Variants in BCL11A observed in about 807,000 individuals in gnomAD.
The protein encoded by BCL11A is BCL11 transcription factor A, also known as B cell CLL/lymphoma 11A.
In BCL11A, 2 loss-of-function variants were observed where a neutral mutation model predicts 55.9. That is an observed-to-expected ratio of 0.04 (90% confidence interval 0.01 to 0.11). The LOEUF (loss-of-function observed/expected upper bound fraction) is 0.11, where lower values mean the gene tolerates loss of function less well. BCL11A is among the 10% of genes least tolerant of loss of function. BCL11A has a pLI of 1.00. For missense variants in BCL11A, 817 were observed against 1,137.1 expected, an observed-to-expected ratio of 0.72 and a Z score of 4.05; for synonymous variants, 465 against 473.4, an observed-to-expected ratio of 0.98 and a Z score of 0.23.
At chr2:60,517,398 A>G (rs1273517063) in intron 2 of BCL11A, among the ~76,000 whole-genome samples, 1 of 152,250 alleles carries the variant, frequency 6.6e-6, no homozygotes, top group Non-Finnish European at 1.5e-5. Context: ...CAGAGAAAAC[A>G]GGGAAAGGAA....
intron 2 of BCL11A, among the ~76,000 whole-genome samples, chr2:60,478,551 C>T (rs541458271): frequency 2.0e-5 from 3 of 152,352 alleles, no homozygotes; most frequent in South Asian, 2.1e-4. Context: ...CCAAGAGATT[C>T]TGAGAACCAG....
downstream of BCL11A, among the ~76,000 whole-genome samples, chr2:60,454,278 G>A (rs1217209425): frequency 2.0e-5 from 3 of 152,214 alleles, no homozygotes; most frequent in South Asian, 2.1e-4. Flanking sequence ...CAATGGGTTC[G>A]TTTATTTTCT....
rs189697617 is a variant in BCL11A, at chr2:60,532,565, G to A, written c.385+13406C>T. ...TACAGAACCTTGGTATGTGAATGGC[G>A]AAAAAGAAAAAAAAGGAAAGAAAAA... On this transcript the variant is annotated intron_variant, in intron 2 of 3. Coordinates refer to ENST00000642384, the MANE Select transcript of BCL11A (RefSeq NM_022893.4). Among the ~76,000 whole-genome samples, 73 of 150,844 alleles carry A rather than the reference G, an allele frequency of 4.8e-4. No individual in the cohort carries two copies. The Middle Eastern group carries it at 0.031, about 63-fold the overall frequency.
chr2:60,495,036 T>C (rs1186562200), intron 2 of BCL11A, among the ~76,000 whole-genome samples: 1 of 149,972 alleles, frequency 6.7e-6, no homozygotes, highest in Non-Finnish European at 1.5e-5. Context: ...GAGGGGAGAG[T>C]GCAGACAGGG....
At position 60,553,473 on chromosome 2, in the gene BCL11A, T is replaced by A. The variant is rs1356422401; in HGVS notation, c.-203A>T. On this transcript the variant is annotated 5_prime_UTR_variant, in exon 1 of 4. Coordinates refer to ENST00000642384, the MANE Select transcript of BCL11A (RefSeq NM_022893.4). ...AATTGTGGGAGAGCCGTCATGGCTTTTTTTTAAGCAAAAAAAAAAAAAAAA... is the reference window on the plus strand; with the variant it reads ...AATTGTGGGAGAGCCGTCATGGCTTATTTTTAAGCAAAAAAAAAAAAAAAA... 2 of 293,620 alleles carry A rather than the reference T, an allele frequency of 6.8e-6. No homozygotes were observed. Among genetic ancestry groups the A allele is most frequent in the African/African-American group, 5.9e-5 (2 of 33,652 alleles). The allele number at this position is 293,620 out of a possible 1,614,324, so 18.2% of individuals were successfully genotyped here.
At chr2:60,539,469 A>G (rs929449375) in intron 2 of BCL11A, among the ~76,000 whole-genome samples, 1 of 152,234 alleles carries the variant, frequency 6.6e-6, no homozygotes, top group Non-Finnish European at 1.5e-5. Flanking sequence ...TAAGAACAGC[A>G]AAAGCCTTTG....
At chr2:60,469,330 T>C (rs1262756806) in intron 2 of BCL11A, among the ~76,000 whole-genome samples, 2 of 152,210 alleles carry the variant, frequency 1.3e-5, no homozygotes, top group Non-Finnish European at 2.9e-5. Context: ...GAGTCCCACT[T>C]TGCTTTCTCT....
chr2:60,538,735 C>CTG (rs756885542), intron 2 of BCL11A, among the ~76,000 whole-genome samples: 129 of 69,352 alleles, frequency 1.9e-3, no homozygotes, highest in African/African-American at 5.1e-3. Context: ...CTCTCTCTCT[C>CTG]TCTCTGTGTG....
At chr2:60,521,123 ACT>A (rs2104558739) in intron 2 of BCL11A, among the ~76,000 whole-genome samples, 2 of 151,528 alleles carry the variant, frequency 1.3e-5, no homozygotes, top group South Asian at 2.1e-4. Context: ...ACACACACAC[ACT>A]CACACAAATC....
At chr2:60,518,344 A>ATAC (rs1448678923) in intron 2 of BCL11A, among the ~76,000 whole-genome samples, 122 of 152,350 alleles carry the variant, frequency 8.0e-4, no homozygotes, top group African/African-American at 2.3e-3. Flanking sequence ...CCAGTGTGTT[A>ATAC]CAGCCTGTCA....
At position 60,553,339 on chromosome 2, in the gene BCL11A, C is replaced by T. The variant is rs771541397; in HGVS notation, c.-69G>A. 8.2e-6 allele frequency: 12 copies of T among 1,469,400 alleles called. No individual in the cohort carries two copies. In the Admixed American group the frequency reaches 2.0e-4, roughly 24 times the overall value. 91.0% of individuals were successfully genotyped at this position (1,469,400 alleles called of 1,614,324 possible). On this transcript the variant is annotated 5_prime_UTR_variant, in exon 1 of 4. Coordinates refer to ENST00000642384, the MANE Select transcript of BCL11A (RefSeq NM_022893.4). ...GGGCGGACGACGGCTCGGTTCACAT[C>T]GGGAGAGCCGGGTTAGAAAGAAGGA...
intron 2 of BCL11A, among the ~76,000 whole-genome samples, chr2:60,476,383 C>T (rs893603250): frequency 6.6e-6 from 1 of 152,226 alleles, no homozygotes; most frequent in Non-Finnish European, 1.5e-5. Context: ...GAAAAGGTCT[C>T]AGTGGCTCAT....
At chr2:60,479,725 T>A (rs996869516) in intron 2 of BCL11A, among the ~76,000 whole-genome samples, 8 of 152,328 alleles carry the variant, frequency 5.3e-5, no homozygotes, top group Non-Finnish European at 1.0e-4. Context: ...ATCAATGTAA[T>A]TCAAGGCAAA....
Position 60,458,028 on chromosome 2 carries a change from CCTGT to C in BCL11A, c.*2372_*2375del. ...AAATTAAAAAAATATACTGTGGCAG[CCTGT>C]CTTTTTTTTTTCCACTACCAAAAAA... On this transcript the variant is annotated 3_prime_UTR_variant, in exon 4 of 4. Transcript: ENST00000642384. 1 of 1,033,374 alleles carries C rather than the reference CCTGT, an allele frequency of 9.7e-7. No homozygotes were observed. Among genetic ancestry groups the C allele is most frequent in the Non-Finnish European group, 1.2e-6 (1 of 859,224 alleles). The allele number at this position is 1,033,374 out of a possible 1,614,324, so 64.0% of individuals were successfully genotyped here. A position where few individuals can be genotyped will look rare whatever the true frequency, so the allele number is the denominator to read the frequency against.
At chr2:60,549,789 G>GT (rs1210389319) in intron 1 of BCL11A, 2 of 152,286 alleles carry the variant, frequency 1.3e-5, no homozygotes, top group Non-Finnish European at 2.9e-5. Context: ...TGCAGTCTCA[G>GT]TATCTCCGCA....
intron 2 of BCL11A, chr2:60,542,423 A>G (rs975159531): frequency 6.6e-6 from 1 of 152,278 alleles, no homozygotes; most frequent in Non-Finnish European, 1.5e-5. Context: ...ACTAAAAAAA[A>G]AGAAAACAAA....
intron 2 of BCL11A, among the ~76,000 whole-genome samples, chr2:60,530,501 C>T (rs1259438883): frequency 6.6e-6 from 1 of 151,920 alleles, no homozygotes; most frequent in African/African-American, 2.4e-5. Flanking sequence ...ACTTTTTTTC[C>T]CAACGGCAAG....
intron 2 of BCL11A, chr2:60,538,361 A>G (rs1261281288): frequency 6.6e-6 from 1 of 152,248 alleles, no homozygotes; most frequent in Non-Finnish European, 1.5e-5. Context: ...TTCCAGCAGC[A>G]TTGCATCAGA....
At chr2:60,500,319 A>G (rs1294984450) in intron 2 of BCL11A, among the ~76,000 whole-genome samples, 1 of 152,150 alleles carries the variant, frequency 6.6e-6, no homozygotes, top group African/African-American at 2.4e-5. Context: ...AGGGCAGGTG[A>G]GGTTCCCGGG....
Sources: allele counts gnomAD v4.1 joint callset (sites outside exome capture counted in the v4.1 genomes callset), GRCh38; gene constraint gnomAD v4.1.1; transcripts MANE v1.5; gene names NCBI Gene and HGNC (gene_info 2026-07-23, HGNC 2026-07-21).